ANKRD27: variants seen among roughly 807,000 people sequenced by gnomAD.
ANKRD27 encodes ankyrin repeat domain-containing protein 27.
In ANKRD27, 112 loss-of-function variants were observed where a neutral mutation model predicts 129.7. That is an observed-to-expected ratio of 0.86 (90% CI 0.74 to 1.01). The LOEUF (loss-of-function observed/expected upper bound fraction) is 1.01, where lower values mean the gene tolerates loss of function less well. ANKRD27 is among the 50% of genes least tolerant of loss of function. The pLI, the probability that ANKRD27 is intolerant of heterozygous loss-of-function variation, is 0.00. For missense variants in ANKRD27, 1,258 were observed against 1,300.5 expected (o/e 0.97, Z 0.50); for synonymous variants, 516 against 511.2 (o/e 1.01, Z -0.13).
At chr19:32,601,599 G>C (rs996637156) in intron 26 of ANKRD27, among the ~76,000 whole-genome samples, 26 of 132,874 alleles carry the variant, frequency 2.0e-4, no homozygotes, top group Middle Eastern at 4.2e-3. Flanking sequence ...GTGACAGAGC[G>C]AGACTCTGTC....
In ANKRD27 at chr19:32,605,986, A is replaced by C. The variant is rs527238371; in HGVS notation, c.2374-32T>G. On this transcript the variant is annotated intron_variant, in intron 23 of 28. Coordinates refer to ENST00000306065, the MANE Select transcript of ANKRD27 (RefSeq NM_032139.3). Reference sequence around the variant, plus strand: ...CAGAGAAGGAAAACGTGCAAACTTAATCAAAATTTCTGTCATTTCCTGCCA... The same window carrying C: ...CAGAGAAGGAAAACGTGCAAACTTACTCAAAATTTCTGTCATTTCCTGCCA... 1.0e-5 allele frequency: 16 copies of C among 1,571,152 alleles called. No homozygotes were observed. The South Asian group carries it at 1.8e-4, about 17-fold the overall frequency.
At chr19:32,662,242 CAG>C (rs1292013660) in intron 1 of ANKRD27, among the ~76,000 whole-genome samples, 1 of 128,972 alleles carries the variant, frequency 7.8e-6, no homozygotes, top group Non-Finnish European at 1.5e-5. Context: ...ACTCAGGAGG[CAG>C]AGATTGCAGT....
chr19:32,673,508 C>A, intron 1 of ANKRD27: 1 of 959,280 alleles, frequency 1.0e-6, no homozygotes, highest in Non-Finnish European at 1.2e-6. Flanking sequence ...GTGCTCAGGA[C>A]CTGGCACATC....
intron 22 of ANKRD27, among the ~76,000 whole-genome samples, chr19:32,611,958 C>G (rs748994833): frequency 2.6e-5 from 4 of 152,204 alleles, no homozygotes; most frequent in Non-Finnish European, 5.9e-5. Flanking sequence ...AGGCTGGTCT[C>G]AAACTCCTGG....
Position 32,614,810 on chromosome 19 carries a change from T to C in ANKRD27, c.2175+848A>G, listed in dbSNP as rs565050982. Among the ~76,000 whole-genome samples, 9 of 152,072 alleles carry C rather than the reference T, an allele frequency of 5.9e-5. No homozygotes were observed. The East Asian group carries it at 1.7e-3, about 29-fold the overall frequency. The stretch of plus-strand genomic sequence containing the variant: ...TGTGGCACAACTGTACAGAACTACA[T>C]ACACACACACGAGAACAAGCAGAAC... On this transcript the variant is annotated intron_variant, in intron 22 of 28. Transcript: ENST00000306065.
chr19:32,632,584 CAAAA>C (rs531083631), intron 12 of ANKRD27, among the ~76,000 whole-genome samples: 54,881 of 104,850 alleles, frequency 0.52, 12,314 homozygotes, highest in Non-Finnish European at 0.6. Context: ...GACTCCATCT[CAAAA>C]AAAAAAAAAA....
rs1467653393 is a variant in ANKRD27, at chr19:32,646,516, C to T, written c.313G>A (p.Glu105Lys). 1.2e-6 allele frequency: 2 copies of T among 1,614,024 alleles called. No individual in the cohort carries two copies. Among genetic ancestry groups the T allele is most frequent in the Non-Finnish European group, 1.7e-6 (2 of 1,180,024 alleles). ...ATACACAGGATGCTGAAACTCTCTT[C>T]TTTTTCATTGTAGAAAGTTTCTTCA... ...LFEETFYNEK[E>K]ESFSILCIAH... Residue 105 changes from glutamate to lysine, a missense_variant, in exon 4 of 29, where the codon GAA becomes AAA. Glu to Lys is a moderately conservative substitution (Grantham distance 56). Coordinates refer to ENST00000306065, the MANE Select transcript of ANKRD27 (RefSeq NM_032139.3).
chr19:32,649,671 G>A lies in ANKRD27; in HGVS notation c.213+11C>T, dbSNP rs768486045. 6 of 1,579,738 alleles carry A rather than the reference G, an allele frequency of 3.8e-6. No homozygotes were observed. The highest frequency in any genetic ancestry group is 1.7e-5 in the Admixed American group (1 of 59,938). On this transcript the variant is annotated intron_variant, in intron 3 of 28. Coordinates refer to ENST00000306065, the MANE Select transcript of ANKRD27 (RefSeq NM_032139.3). Reference sequence around the variant, plus strand: ...TAGGTGACCCTGGCTGATCCACCAAGAAATGAATACCTTTCCATTTAAGGT... The same window carrying A: ...TAGGTGACCCTGGCTGATCCACCAAAAAATGAATACCTTTCCATTTAAGGT...
chr19:32,633,795 G>T (rs1467310019), intron 12 of ANKRD27, among the ~76,000 whole-genome samples: 2 of 151,962 alleles, frequency 1.3e-5, no homozygotes. Context: ...GCTGAGGTGG[G>T]AGGATCACAT....
chr19:32,600,149 CA>C, intron 26 of ANKRD27, 99 bp from the exon 27 acceptor site: 1 of 947,020 alleles, frequency 1.1e-6, no homozygotes, highest in Non-Finnish European at 1.6e-6. Flanking sequence ...CTCAGATTTA[CA>C]AAATTTAGAA....
At chr19:32,613,339 G>T (rs1170851583) in intron 22 of ANKRD27, among the ~76,000 whole-genome samples, 1 of 152,150 alleles carries the variant, frequency 6.6e-6, no homozygotes, top group Admixed American at 6.6e-5. Flanking sequence ...CATGTAAAAT[G>T]ATACAGCCTG....
At chr19:32,628,362 A>C (rs1966928856) in intron 14 of ANKRD27, among the ~76,000 whole-genome samples, 197 bp from the exon 15 acceptor site, 1 of 152,148 alleles carries the variant, frequency 6.6e-6, no homozygotes, top group African/African-American at 2.4e-5. Context: ...TCTCTCCCCC[A>C]CCAACCCTTT....
At chr19:32,640,499 A>AT (rs1967178419) in intron 10 of ANKRD27, 114 bp from the exon 11 acceptor site, 1 of 823,368 alleles carries the variant, frequency 1.2e-6, no homozygotes, top group Non-Finnish European at 2.1e-6. Flanking sequence ...GAGATCATAC[A>AT]CTGGGGGAGA....
intron 14 of ANKRD27, 53 bp from the exon 15 acceptor site, chr19:32,628,218 C>G: frequency 1.3e-6 from 2 of 1,501,838 alleles, no homozygotes; most frequent in Non-Finnish European, 1.8e-6. Flanking sequence ...ACAGCAAAGC[C>G]TCTCCCTGAC....
chr19:32,665,132 T>C (rs574053261), intron 1 of ANKRD27, among the ~76,000 whole-genome samples: 8 of 152,134 alleles, frequency 5.3e-5, no homozygotes, highest in African/African-American at 1.9e-4. Context: ...TACAGCTTCA[T>C]AATAAGCCTT....
rs532049275 is a variant in ANKRD27, at chr19:32,624,985, G to A, written c.1629+889C>T. Reference sequence around the variant, plus strand: ...AAAGTAAAAAATAAAGGCCAGGTGCGGTGGCTCACTCCTGTAATCCCAGCA... The same window carrying A: ...AAAGTAAAAAATAAAGGCCAGGTGCAGTGGCTCACTCCTGTAATCCCAGCA... On this transcript the variant is annotated intron_variant, in intron 17 of 28. Coordinates refer to ENST00000306065, the MANE Select transcript of ANKRD27 (RefSeq NM_032139.3). Among the ~76,000 whole-genome samples, 8 of 152,146 alleles carry A rather than the reference G, an allele frequency of 5.3e-5. 1 individual carries two copies. Among genetic ancestry groups the A allele is most frequent in the African/African-American group, 1.4e-4 (6 of 41,496 alleles).
intron 2 of ANKRD27, among the ~76,000 whole-genome samples, chr19:32,654,719 G>T (rs1343158111): frequency 6.6e-6 from 1 of 152,136 alleles, no homozygotes; most frequent in Non-Finnish European, 1.5e-5. Context: ...GAGTGCAGTG[G>T]CTATTTAGAG....
At position 32,615,668 on chromosome 19, in the gene ANKRD27, G is replaced by A. The variant is rs1468876650; in HGVS notation, c.2165C>T (p.Pro722Leu). The change falls in exon 22 of 29, where the codon CCA becomes CTA. Residue 722 changes from proline to leucine, a missense_variant. Physicochemically the swap from Pro to Leu is moderately conservative, Grantham distance 98. Coordinates refer to ENST00000306065, the MANE Select transcript of ANKRD27 (RefSeq NM_032139.3). ...HPLCQCPKCAPAQKRLAKVPA... is the reference protein window; with the variant it reads ...HPLCQCPKCALAQKRLAKVPA... ...GAAACAAAGCCAAACCTTCTGAGCTGGGGCACACTTGGGGCACTGGCACAA... is the reference window on the plus strand; with the variant it reads ...GAAACAAAGCCAAACCTTCTGAGCTAGGGCACACTTGGGGCACTGGCACAA... 1.2e-6 allele frequency: 2 copies of A among 1,614,136 alleles called. No individual in the cohort carries two copies. Among genetic ancestry groups the A allele is most frequent in the East Asian group, 2.2e-5 (1 of 44,882 alleles).
At chr19:32,635,355 G>C (rs1030634248) in intron 12 of ANKRD27, among the ~76,000 whole-genome samples, 1 of 152,186 alleles carries the variant, frequency 6.6e-6, no homozygotes, top group African/African-American at 2.4e-5. Context: ...CAGCCTCATA[G>C]AAAACAAGTC....
Sources: allele counts gnomAD v4.1 joint callset (sites outside exome capture counted in the v4.1 genomes callset), GRCh38; gene constraint gnomAD v4.1.1; transcripts MANE v1.5; gene names NCBI Gene and HGNC (gene_info 2026-07-23, HGNC 2026-07-21).